The following AUTS2 variants were observed in gnomAD, a reference collection of about 807,000 sequenced individuals.
AUTS2 encodes activator of transcription and developmental regulator AUTS2.
A neutral mutation model predicts 112.4 loss-of-function variants in AUTS2; 17 were observed. The observed-to-expected ratio is 0.15, with a 90% CI of 0.10 to 0.23. The LOEUF is 0.23. Ranked by LOEUF, AUTS2 falls within the 10% of genes least tolerant of loss-of-function variation. The pLI, the probability that AUTS2 is intolerant of heterozygous loss-of-function variation, is 1.00. For synonymous variants in AUTS2, 751 were observed against 702.7 expected (o/e 1.07, Z -1.09); for missense variants, 1,510 against 1,701.6 (o/e 0.89, Z 1.98).
intron 5 of AUTS2, among the ~76,000 whole-genome samples, chr7:70,625,131 C>G (rs1804870815): frequency 6.6e-6 from 1 of 152,086 alleles, no homozygotes. Context: ...CAGCACTCAC[C>G]ACAGTAGCAA....
intron 5 of AUTS2, among the ~76,000 whole-genome samples, chr7:70,501,971 G>C (rs1210346998): frequency 6.6e-6 from 1 of 152,146 alleles, no homozygotes; most frequent in South Asian, 2.1e-4. Context: ...CCATGGCTCA[G>C]GAACTTACCC....
chr7:70,517,484 T>C (rs1373736320), intron 5 of AUTS2, among the ~76,000 whole-genome samples: 4 of 151,964 alleles, frequency 2.6e-5, no homozygotes, highest in Non-Finnish European at 5.9e-5. Flanking sequence ...CAGAACCAAC[T>C]AGAGTTCAGT....
At chr7:69,630,572 G>C (rs1302640499) in intron 1 of AUTS2, among the ~76,000 whole-genome samples, 1 of 152,202 alleles carries the variant, frequency 6.6e-6, no homozygotes, top group Admixed American at 6.5e-5. Flanking sequence ...GGATTGTAAA[G>C]TCTGGTATTT....
chr7:70,641,750 T>G (rs1805843575), intron 5 of AUTS2, among the ~76,000 whole-genome samples: 1 of 152,180 alleles, frequency 6.6e-6, no homozygotes, highest in Non-Finnish European at 1.5e-5. Flanking sequence ...ATATGTAACC[T>G]TGTCAAGTAG....
chr7:70,188,784 C>CTTTT (rs530872900), intron 4 of AUTS2, among the ~76,000 whole-genome samples: 2 of 142,798 alleles, frequency 1.4e-5, no homozygotes, highest in East Asian at 2.0e-4. Flanking sequence ...TTCTTTCTTT[C>CTTTT]TTTTTTTTTT....
intron 4 of AUTS2, among the ~76,000 whole-genome samples, chr7:70,400,782 G>C (rs934887319): frequency 6.6e-6 from 1 of 152,124 alleles, no homozygotes; most frequent in African/African-American, 2.4e-5. Context: ...CTGGGAGCTT[G>C]TTAAAAAATA....
At chr7:70,486,460 G>A (rs1429935266) in intron 5 of AUTS2, among the ~76,000 whole-genome samples, 6 of 152,256 alleles carry the variant, frequency 3.9e-5, no homozygotes, top group African/African-American at 9.6e-5. Flanking sequence ...TGTTTGGCCA[G>A]GCACGGTGGC....
At chr7:70,189,400 A>G (rs1169869258) in intron 4 of AUTS2, among the ~76,000 whole-genome samples, 2 of 152,196 alleles carry the variant, frequency 1.3e-5, no homozygotes. Flanking sequence ...TTAGAAGGGA[A>G]GGATTCTTGT....
intron 6 of AUTS2, among the ~76,000 whole-genome samples, chr7:70,725,462 G>A (rs538801619): frequency 1.2e-3 from 184 of 152,302 alleles, no homozygotes; most frequent in Admixed American, 5.1e-3. Flanking sequence ...AATGAAATTT[G>A]GGAGCAACTC....
intron 2 of AUTS2, among the ~76,000 whole-genome samples, chr7:69,936,696 G>T (rs947691489): frequency 2.6e-5 from 4 of 152,086 alleles, no homozygotes; most frequent in Non-Finnish European, 2.9e-5. Context: ...TGTTCTCCTA[G>T]GGGATTTCTG....
At chr7:70,546,030 T>C (rs915392771) in intron 5 of AUTS2, among the ~76,000 whole-genome samples, 1 of 152,200 alleles carries the variant, frequency 6.6e-6, no homozygotes, top group African/African-American at 2.4e-5. Context: ...GGATCTCAAG[T>C]GTCTTGGGCA....
chr7:70,667,390 A>G (rs1807404114), intron 5 of AUTS2, among the ~76,000 whole-genome samples: 1 of 152,190 alleles, frequency 6.6e-6, no homozygotes, highest in Non-Finnish European at 1.5e-5. Flanking sequence ...AGCAAAACCA[A>G]TAAAGAAATC....
rs565357975 is a variant in AUTS2 at position 70,407,048 on chromosome 7, T to G, written c.661-28704T>G. On this transcript the variant is annotated intron_variant, in intron 4 of 18. Coordinates refer to ENST00000342771, the MANE Select transcript of AUTS2 (RefSeq NM_015570.4). ...AAAACTGAGCTGGCCAAATAATCGG[T>G]AAGTTGCGGAAAATCCAGGCACCGA... is the stretch of plus-strand genomic sequence containing the variant. Among the ~76,000 whole-genome samples, 6 of 152,226 alleles carry G rather than the reference T, an allele frequency of 3.9e-5. No homozygotes were observed. The South Asian group carries it at 8.3e-4, about 21-fold the overall frequency.
At chr7:69,754,392 T>C (rs1008018957) in intron 1 of AUTS2, among the ~76,000 whole-genome samples, 3 of 152,220 alleles carry the variant, frequency 2.0e-5, no homozygotes, top group African/African-American at 7.2e-5. Flanking sequence ...CTTTAGACTT[T>C]TACTCTGTAA....
chr7:69,975,874 GA>G (rs1798039089), intron 2 of AUTS2, among the ~76,000 whole-genome samples: 1 of 151,784 alleles, frequency 6.6e-6, no homozygotes, highest in African/African-American at 2.4e-5. Context: ...TTTTAGTAGA[GA>G]CAGGGTTTCA....
At chr7:69,942,642 C>G (rs541098028) in intron 2 of AUTS2, among the ~76,000 whole-genome samples, 6 of 152,296 alleles carry the variant, frequency 3.9e-5, no homozygotes, top group African/African-American at 1.4e-4. Context: ...GGGCTTTGTT[C>G]CCCCACTGGG....
chr7:70,469,600 A>G (rs1031691744), intron 5 of AUTS2, among the ~76,000 whole-genome samples: 4 of 152,122 alleles, frequency 2.6e-5, no homozygotes, highest in Admixed American at 6.6e-5. Flanking sequence ...TTTTTGATAT[A>G]TAATTGATAA....
intron 4 of AUTS2, among the ~76,000 whole-genome samples, chr7:70,372,649 CCTTT>C (rs1259170753): frequency 1.3e-5 from 2 of 150,686 alleles, no homozygotes; most frequent in East Asian, 1.9e-4. Flanking sequence ...CTTCTTACTT[CCTTT>C]CTTTCTTTTT....
At position 70,051,223 on chromosome 7, in the gene AUTS2, G is replaced by A. The variant is rs151163851; in HGVS notation, c.523-66909G>A. On this transcript the variant is annotated intron_variant, in intron 2 of 18. Transcript: ENST00000342771. ...AGGATAGGCAAAGGTGCCAGCGTTT[G>A]ATATTATCTTAAGGCCTAAACTGAC... Among the ~76,000 whole-genome samples, 239 of 152,254 alleles carry A rather than the reference G, an allele frequency of 1.6e-3. 1 individual carries two copies. Among genetic ancestry groups the A allele is most frequent in the African/African-American group, 4.9e-3 (202 of 41,550 alleles).
Sources: gnomAD v4.1 joint callset for allele counts (sites outside exome capture counted in the v4.1 genomes callset) on GRCh38, gnomAD v4.1.1 for gene constraint, MANE v1.5 for transcripts, NCBI Gene and HGNC (gene_info 2026-07-23, HGNC 2026-07-21) for gene names.